Variants in GLYATL2 observed in about 807,000 individuals in gnomAD.
GLYATL2 encodes glycine N-acyltransferase-like protein 2.
In GLYATL2, 25 loss-of-function variants were observed where a neutral mutation model predicts 21.4. The observed-to-expected ratio is 1.17, with a 90% CI of 0.85 to 1.63. GLYATL2 has a LOEUF of 1.63. GLYATL2 is among the 40% of genes most tolerant of loss of function. GLYATL2 has a pLI of 0.00. For missense variants in GLYATL2, 361 were observed against 343.3 expected (o/e 1.05, Z -0.41); for synonymous variants, 114 against 118.2 (o/e 0.96, Z 0.23).
At chr11:58,876,144 G>A (rs1319271117) in intron 1 of GLYATL2, among the ~76,000 whole-genome samples, 1 of 152,138 alleles carries the variant, frequency 6.6e-6, no homozygotes, top group Non-Finnish European at 1.5e-5. Flanking sequence ...GCTCCATCAG[G>A]TCTTTTAAGG....
chr11:58,838,928 T>G (rs1291930041), intron 2 of GLYATL2, among the ~76,000 whole-genome samples: 1 of 152,100 alleles, frequency 6.6e-6, no homozygotes, highest in African/African-American at 2.4e-5. Flanking sequence ...TGGGTCTTGA[T>G]GAATATGTTA....
At chr11:58,874,253 G>T (rs625920) in intron 1 of GLYATL2, among the ~76,000 whole-genome samples, 144,922 of 152,268 alleles carry the variant, frequency 0.95, 69,378 homozygotes, top group East Asian at 1. Flanking sequence ...CCTGGATTCA[G>T]TGATTTTTTG....
chr11:58,844,088 G>A (rs1853600169), intron 1 of GLYATL2, among the ~76,000 whole-genome samples: 1 of 151,846 alleles, frequency 6.6e-6, no homozygotes, highest in South Asian at 2.1e-4. Context: ...AGGATTGGAG[G>A]CAAGGAGAAT....
upstream of GLYATL2, chr11:58,905,588 C>T (rs76798788): frequency 8.2e-3 from 3,751 of 456,296 alleles, 111 homozygotes; most frequent in African/African-American, 0.068. Flanking sequence ...GCAACCCCTC[C>T]TTGGCTTCCA....
chr11:58,888,196 G>A (rs1270849470), intron 1 of GLYATL2, among the ~76,000 whole-genome samples: 1 of 152,062 alleles, frequency 6.6e-6, no homozygotes, highest in East Asian at 1.9e-4. Flanking sequence ...TTCTGTAAGT[G>A]TTTTGGATAC....
intron 3 of GLYATL2, 34 bp from the exon 4 acceptor site, chr11:58,837,431 C>A (rs373698887): frequency 6.3e-7 from 1 of 1,594,236 alleles, no homozygotes; most frequent in South Asian, 1.1e-5. Context: ...ATTTACATAG[C>A]GCTACAATTT....
rs554143377 is a variant in GLYATL2, at chr11:58,901,989, C to T, written n.60+2167G>A. Among the ~76,000 whole-genome samples, 11 of 152,248 alleles carry T rather than the reference C, an allele frequency of 7.2e-5. No homozygotes were observed. The South Asian group carries it at 1.0e-3, about 14-fold the overall frequency. ...TTCTTTACTTGAAGAGAGAGAGAGGCTCCTTGGAGCCTCTGGAGTCTGGAG... is the reference window on the plus strand; with the variant it reads ...TTCTTTACTTGAAGAGAGAGAGAGGTTCCTTGGAGCCTCTGGAGTCTGGAG... On this transcript the variant is annotated intron_variant and non_coding_transcript_variant, in intron 1 of 4. Coordinates refer to the GLYATL2 transcript ENST00000533636.
chr11:58,907,424 T>C (rs983223386), upstream of GLYATL2: 4 of 455,910 alleles, frequency 8.8e-6, no homozygotes, highest in African/African-American at 6.0e-5. Flanking sequence ...CCATCTTTAA[T>C]TGCATGATGT....
chr11:58,882,890 C>T (rs1281669987), intron 1 of GLYATL2, among the ~76,000 whole-genome samples: 1 of 152,146 alleles, frequency 6.6e-6, no homozygotes, highest in Non-Finnish European at 1.5e-5. Flanking sequence ...GGTATTATTT[C>T]TGAAGGCTCT....
At chr11:58,892,088 C>G (rs1414441329) in intron 1 of GLYATL2, 3 of 152,250 alleles carry the variant, frequency 2.0e-5, no homozygotes, top group African/African-American at 7.2e-5. Flanking sequence ...TATCCATGTG[C>G]CCAACTGCAG....
chr11:58,905,321 G>C (rs1854836871), upstream of GLYATL2: 1 of 393,010 alleles, frequency 2.5e-6, no homozygotes, highest in African/African-American at 2.1e-5. Flanking sequence ...TCTGCGACTT[G>C]CAGTCAGCTG....
At chr11:58,907,344 T>A (rs1854922441), upstream of GLYATL2, 1 of 456,194 alleles carries the variant, frequency 2.2e-6, no homozygotes, top group African/African-American at 2.0e-5. Flanking sequence ...CTGCCCTTCC[T>A]TGCGACACTG....
intron 1 of GLYATL2, among the ~76,000 whole-genome samples, chr11:58,885,267 G>T (rs1057179773): frequency 1.3e-5 from 2 of 152,108 alleles, no homozygotes; most frequent in South Asian, 2.1e-4. Context: ...CCTGCTTGCT[G>T]GTAACTTCAC....
At chr11:58,836,955 C>G in intron 5 of GLYATL2, 60 bp downstream of exon 5, 2 of 1,445,716 alleles carry the variant, frequency 1.4e-6, no homozygotes, top group Non-Finnish European at 1.9e-6. Flanking sequence ...CCAAGTACAG[C>G]CTTTGTGGCA....
intron 1 of GLYATL2, among the ~76,000 whole-genome samples, chr11:58,866,313 G>C (rs1854022633): frequency 6.7e-6 from 1 of 148,860 alleles, no homozygotes; most frequent in East Asian, 2.2e-4. Flanking sequence ...AAAAGTACCT[G>C]TGTTTACTTG....
intron 1 of GLYATL2, among the ~76,000 whole-genome samples, chr11:58,872,901 T>G (rs1052636903): frequency 6.6e-6 from 1 of 152,252 alleles, no homozygotes; most frequent in African/African-American, 2.4e-5. Flanking sequence ...ACGATATTGA[T>G]TGTCCCTACC....
rs369104149 is a variant in GLYATL2, at chr11:58,902,141, A to AC, written n.60+2014dup. On this transcript the variant is annotated intron_variant and non_coding_transcript_variant, in intron 1 of 4. Transcript: ENST00000533636. Reference sequence around the variant, plus strand: ...CTAAGCTGTTGCTGGAGGCTTAGAGACCCCATTTCAGCTATCTATCAATAG... The same window carrying AC: ...CTAAGCTGTTGCTGGAGGCTTAGAGACCCCCATTTCAGCTATCTATCAATAG... Among the ~76,000 whole-genome samples, 16 of 152,024 alleles carry AC rather than the reference A, an allele frequency of 1.1e-4. No individual in the cohort carries two copies. The South Asian group carries it at 1.5e-3, about 14-fold the overall frequency.
intron 1 of GLYATL2, among the ~76,000 whole-genome samples, chr11:58,879,937 C>G (rs1854303661): frequency 6.7e-6 from 1 of 150,162 alleles, no homozygotes. Flanking sequence ...CGGCTCACTG[C>G]AAGCTCCGCC....
At chr11:58,891,060 T>A (rs941261724) in intron 1 of GLYATL2, among the ~76,000 whole-genome samples, 1 of 152,176 alleles carries the variant, frequency 6.6e-6, no homozygotes, top group African/African-American at 2.4e-5. Context: ...TAAAATTGAG[T>A]CTTTTAAAAC....
Sources: gnomAD v4.1 joint callset for allele counts (sites outside exome capture counted in the v4.1 genomes callset) on GRCh38, gnomAD v4.1.1 for gene constraint, MANE v1.5 for transcripts, NCBI Gene and HGNC (gene_info 2026-07-23, HGNC 2026-07-21) for gene names.